The following LDB2 variants were observed in gnomAD, a reference collection of about 807,000 sequenced individuals.
The protein encoded by LDB2 is LIM domain binding 2.
LDB2 carries 12 observed loss-of-function variants against 44.3 expected under a neutral mutation model. The observed-to-expected ratio is 0.27, with a 90% CI of 0.17 to 0.44. LDB2 has a LOEUF of 0.44. Among genes scored for constraint, LDB2 ranks in the 20% least tolerant of loss-of-function variants. The pLI is 1.00. For synonymous variants in LDB2, 164 were observed against 174.8 expected (o/e 0.94, Z 0.49); for missense variants, 344 against 473.5 (o/e 0.73, Z 2.54).
intron 1 of LDB2, among the ~76,000 whole-genome samples, chr4:16,781,124 C>T (rs1188634029): frequency 2.0e-5 from 3 of 152,108 alleles, no homozygotes. Flanking sequence ...CTAAGAAGAG[C>T]TAAGACTGTG....
intron 1 of LDB2, among the ~76,000 whole-genome samples, chr4:16,778,181 G>C (rs1482754324): frequency 6.6e-6 from 1 of 152,170 alleles, no homozygotes; most frequent in Non-Finnish European, 1.5e-5. Flanking sequence ...TTTAAGGTCT[G>C]ACATCTGAAT....
chr4:16,572,029 C>G (rs1389426309), intron 5 of LDB2, among the ~76,000 whole-genome samples: 1 of 152,090 alleles, frequency 6.6e-6, no homozygotes, highest in Non-Finnish European at 1.5e-5. Flanking sequence ...CTGTATTCAG[C>G]AAGATGGTAC....
intron 1 of LDB2, among the ~76,000 whole-genome samples, chr4:16,761,523 T>C (rs962077004): frequency 6.6e-6 from 1 of 152,168 alleles, no homozygotes; most frequent in Non-Finnish European, 1.5e-5. Flanking sequence ...GTCCTGCAGG[T>C]AACACTGCCC....
intron 2 of LDB2, among the ~76,000 whole-genome samples, chr4:16,657,916 C>A (rs903289618): frequency 1.3e-5 from 2 of 152,190 alleles, no homozygotes; most frequent in Non-Finnish European, 2.9e-5. Context: ...AACCTTCTCT[C>A]TACAGAAAAT....
intron 5 of LDB2, among the ~76,000 whole-genome samples, chr4:16,570,420 G>A (rs1343260677): frequency 4.3e-5 from 5 of 115,190 alleles, no homozygotes; most frequent in Admixed American, 1.2e-4. Flanking sequence ...CCGAGATGGC[G>A]CCACCACACT....
chr4:16,694,823 G>A (rs575054029), intron 2 of LDB2, among the ~76,000 whole-genome samples: 8 of 152,302 alleles, frequency 5.3e-5, no homozygotes, highest in South Asian at 4.1e-4. Flanking sequence ...AAGTGCAGAC[G>A]CAGGTAAACA....
At chr4:16,573,173 T>C (rs1367670549) in intron 5 of LDB2, among the ~76,000 whole-genome samples, 2 of 152,240 alleles carry the variant, frequency 1.3e-5, no homozygotes, top group East Asian at 1.9e-4. Context: ...GGGATAATGA[T>C]ACTTATCATT....
At chr4:16,854,802 C>T (rs947874764) in intron 1 of LDB2, among the ~76,000 whole-genome samples, 3 of 151,708 alleles carry the variant, frequency 2.0e-5, no homozygotes, top group Non-Finnish European at 4.4e-5. Context: ...ATGAACAACA[C>T]ATTTTAAGCC....
At chr4:16,857,134 T>C (rs973419580) in intron 1 of LDB2, among the ~76,000 whole-genome samples, 2 of 152,218 alleles carry the variant, frequency 1.3e-5, no homozygotes, top group African/African-American at 2.4e-5. Context: ...GGAATACCCA[T>C]GGAGTTTATG....
At chr4:16,692,150 C>A (rs1750926871) in intron 2 of LDB2, among the ~76,000 whole-genome samples, 2 of 152,024 alleles carry the variant, frequency 1.3e-5, no homozygotes, top group Admixed American at 1.3e-4. Flanking sequence ...GGGACAAATT[C>A]TACATGGAAA....
chr4:16,759,282 A>T (rs201753451), intron 1 of LDB2, 22 bp from the exon 2 acceptor site: 1 of 1,510,154 alleles, frequency 6.6e-7, no homozygotes, highest in East Asian at 2.3e-5. Flanking sequence ...CAGATCATTT[A>T]TTTAACAAGG....
At chr4:16,727,895 A>C (rs74765098) in intron 2 of LDB2, among the ~76,000 whole-genome samples, 67 of 152,292 alleles carry the variant, frequency 4.4e-4, no homozygotes, top group Non-Finnish European at 6.2e-4. Context: ...ATCTAGCCCA[A>C]GTTTTACAGA....
chr4:16,735,426 A>G (rs1561039472), intron 2 of LDB2, among the ~76,000 whole-genome samples: 1 of 152,132 alleles, frequency 6.6e-6, no homozygotes, highest in African/African-American at 2.4e-5. Context: ...TTAAAGAAAA[A>G]AATCCACATT....
At chr4:16,835,202 G>A (rs1429748485) in intron 1 of LDB2, among the ~76,000 whole-genome samples, 4 of 152,178 alleles carry the variant, frequency 2.6e-5, no homozygotes, top group Non-Finnish European at 5.9e-5. Context: ...GAGTTTTGAA[G>A]TATGTGTTTG....
chr4:16,541,835 T>C (rs572051447), intron 5 of LDB2, among the ~76,000 whole-genome samples: 1 of 152,188 alleles, frequency 6.6e-6, no homozygotes, highest in Non-Finnish European at 1.5e-5. Flanking sequence ...GGGTGATGCA[T>C]AGGAGTTGAG....
At chr4:16,718,547 T>C (rs1579040878) in intron 2 of LDB2, among the ~76,000 whole-genome samples, 1 of 152,264 alleles carries the variant, frequency 6.6e-6, no homozygotes, top group Admixed American at 6.5e-5. Context: ...TGTGTAGTCA[T>C]TGACCTAAGG....
At chr4:16,554,863 G>T (rs1738953865) in intron 5 of LDB2, among the ~76,000 whole-genome samples, 1 of 152,148 alleles carries the variant, frequency 6.6e-6, no homozygotes. Flanking sequence ...TTATAAATTT[G>T]TCCAAACCTC....
Position 16,746,981 on chromosome 4 carries a change from G to A in LDB2, c.235+12177C>T, listed in dbSNP as rs576453804. ...GAACACAATGGAAACACCAGCTGTC[G>A]GAAGCTGCAGCAGGACCTCAAGAAT... On this transcript the variant is annotated intron_variant, in intron 2 of 7. Transcript: ENST00000304523. Among the ~76,000 whole-genome samples, 8 of 152,252 alleles carry A rather than the reference G, an allele frequency of 5.3e-5. No homozygotes were observed. The East Asian group carries it at 1.2e-3, about 22-fold the overall frequency.
intron 2 of LDB2, among the ~76,000 whole-genome samples, chr4:16,633,822 A>C (rs1732737668): frequency 6.6e-6 from 1 of 152,228 alleles, no homozygotes. Flanking sequence ...CTGGTCAAGA[A>C]GAACAAAGCC....
Sources: allele counts gnomAD v4.1 joint callset (sites outside exome capture counted in the v4.1 genomes callset), GRCh38; gene constraint gnomAD v4.1.1; transcripts MANE v1.5; gene names NCBI Gene and HGNC (gene_info 2026-07-23, HGNC 2026-07-21).